Variants in SERGEF observed in about 807,000 individuals in gnomAD.
SERGEF encodes the protein secretion regulating guanine nucleotide exchange factor.
In SERGEF, 51 loss-of-function variants were observed where a neutral mutation model predicts 50.0. The observed-to-expected ratio is 1.02, with a 90% CI of 0.81 to 1.29. The LOEUF is 1.29. SERGEF is among the 50% of genes most tolerant of loss of function. The pLI, the probability that SERGEF is intolerant of heterozygous loss-of-function variation, is 0.00. For synonymous variants in SERGEF, 205 were observed against 212.4 expected (o/e 0.97, Z 0.30); for missense variants, 521 against 557.0 (o/e 0.94, Z 0.65).
intron 10 of SERGEF, among the ~76,000 whole-genome samples, chr11:17,865,622 A>AAAT (rs754058539): frequency 3.3e-5 from 5 of 152,148 alleles, no homozygotes; most frequent in East Asian, 1.9e-4. Context: ...TTAAAAAGCA[A>AAAT]AATAATAATA....
rs2237931 is a variant in SERGEF, at chr11:17,864,685, C to T, written c.1048+13523G>A. ...AAGATCTGGGACAGAGCACTGGTAACCAAGAGAGCTAAAAAACTGTTGCTC... is the reference window on the plus strand; with the variant it reads ...AAGATCTGGGACAGAGCACTGGTAATCAAGAGAGCTAAAAAACTGTTGCTC... On this transcript the variant is annotated intron_variant, in intron 10 of 10. Coordinates refer to ENST00000265965, the MANE Select transcript of SERGEF (RefSeq NM_012139.4). 0.018 allele frequency among the ~76,000 whole-genome samples: 2,719 copies of T among 152,220 alleles called. 188 individuals are homozygous for T. In the East Asian group the frequency reaches 0.23, roughly 13 times the overall value.
chr11:17,826,411 G>T (rs973089397), intron 10 of SERGEF, among the ~76,000 whole-genome samples: 1 of 152,198 alleles, frequency 6.6e-6, no homozygotes, highest in Non-Finnish European at 1.5e-5. Context: ...TCCCCAGTGG[G>T]AGTTTGAAGA....
At chr11:17,962,740 GA>G (rs1853034646) in intron 8 of SERGEF, among the ~76,000 whole-genome samples, 1 of 152,184 alleles carries the variant, frequency 6.6e-6, no homozygotes, top group African/African-American at 2.4e-5. Context: ...TATGGAGAAA[GA>G]ACACCTAAGG....
chr11:18,008,617 A>G (rs573136296), intron 1 of SERGEF, among the ~76,000 whole-genome samples: 22 of 152,290 alleles, frequency 1.4e-4, no homozygotes, highest in East Asian at 9.6e-4. Flanking sequence ...TAGAATGGCC[A>G]GGAAAAGAGA....
rs144327808 is a variant in SERGEF at position 17,967,126 on chromosome 11, T to C, written c.845-7490A>G. On this transcript the variant is annotated intron_variant, in intron 8 of 10. Transcript: ENST00000265965. Reference sequence around the variant, plus strand: ...CCACAGAAATACCCTGAGTAGGCATTATAATCCTCAAATTATAGATGAAAA... The same window carrying C: ...CCACAGAAATACCCTGAGTAGGCATCATAATCCTCAAATTATAGATGAAAA... Among the ~76,000 whole-genome samples the C allele has an allele frequency of 3.9e-5, 6 of 152,342 alleles. No homozygotes were observed. The East Asian group carries it at 9.6e-4, about 24-fold the overall frequency.
At chr11:17,803,757 C>T (rs528585847) in intron 10 of SERGEF, among the ~76,000 whole-genome samples, 12 of 152,250 alleles carry the variant, frequency 7.9e-5, no homozygotes, top group South Asian at 4.1e-4. Context: ...CTGGGAAAAC[C>T]GTCCAATACA....
chr11:17,885,360 T>C (rs2283242), intron 9 of SERGEF, among the ~76,000 whole-genome samples: 3,161 of 152,290 alleles, frequency 0.021, 166 homozygotes, highest in East Asian at 0.2. Flanking sequence ...CTTGCTCTAT[T>C]GCCCAGGCTG....
At chr11:17,995,988 AT>A in intron 5 of SERGEF, 79 bp from the exon 6 acceptor site, 1 of 955,746 alleles carries the variant, frequency 1.0e-6, no homozygotes. Context: ...CCTCACTGCT[AT>A]GAGAAATTCC....
chr11:17,804,457 G>A (rs1244700880), intron 10 of SERGEF, among the ~76,000 whole-genome samples: 1 of 152,182 alleles, frequency 6.6e-6, no homozygotes, highest in African/African-American at 2.4e-5. Flanking sequence ...ATTTCTAGAG[G>A]CTTCCCTAGA....
At chr11:18,012,466 T>C (rs749010875) in intron 1 of SERGEF, 37 of 1,073,130 alleles carry the variant, frequency 3.4e-5, no homozygotes, top group Admixed American at 5.4e-5. Context: ...AGGCAGGGTC[T>C]GTGCCTTGTG....
intron 9 of SERGEF, among the ~76,000 whole-genome samples, chr11:17,902,841 G>C (rs1011594407): frequency 1.3e-5 from 2 of 152,098 alleles, no homozygotes; most frequent in African/African-American, 4.8e-5. Context: ...AAGGGACAAG[G>C]GATATCTGCC....
In SERGEF at chr11:17,940,558, A is replaced by C. The variant is rs140704908; in HGVS notation, c.1011+18912T>G. ...CATGCTCTGCCCAAACCCACACACA[A>C]CCATTTCTTTGAAAAATGGTGATCA... On this transcript the variant is annotated intron_variant, in intron 9 of 10. Transcript: ENST00000265965. Among the ~76,000 whole-genome samples the C allele has an allele frequency of 6.5e-3, 987 of 152,098 alleles. 7 individuals are homozygous for C. Among genetic ancestry groups the C allele is most frequent in the Admixed American group, 0.012 (180 of 15,268 alleles).
chr11:17,868,882 G>T (rs1333621751), intron 10 of SERGEF, among the ~76,000 whole-genome samples: 1 of 152,134 alleles, frequency 6.6e-6, no homozygotes, highest in African/African-American at 2.4e-5. Flanking sequence ...AACAGCATGA[G>T]AAAGACCTGC....
chr11:17,813,821 G>A (rs1300475918), intron 10 of SERGEF, among the ~76,000 whole-genome samples: 6 of 152,220 alleles, frequency 3.9e-5, no homozygotes, highest in South Asian at 2.1e-4. Flanking sequence ...AGGAAAACTC[G>A]TTATCTGTAT....
chr11:17,913,636 T>C (rs936754868), intron 9 of SERGEF, among the ~76,000 whole-genome samples: 1 of 152,204 alleles, frequency 6.6e-6, no homozygotes, highest in Non-Finnish European at 1.5e-5. Context: ...GAGGCTTAGC[T>C]GCACTATCTA....
intron 9 of SERGEF, among the ~76,000 whole-genome samples, chr11:17,915,497 G>C (rs1332636948): frequency 6.6e-6 from 1 of 152,196 alleles, no homozygotes; most frequent in Non-Finnish European, 1.5e-5. Flanking sequence ...TCTTGGTCCA[G>C]TGCTCATTCC....
rs186278924 is a variant in SERGEF at position 17,975,814 on chromosome 11, A to G, written c.844+12783T>C. Among the ~76,000 whole-genome samples, 113 of 152,316 alleles carry G rather than the reference A, an allele frequency of 7.4e-4. 1 individual carries two copies. Among genetic ancestry groups the G allele is most frequent in the Admixed American group, 6.5e-3 (100 of 15,294 alleles). Reference sequence around the variant, plus strand: ...AGGACCCCTTCTCATTGTACCCAAAAGTTCCCAATGTCTTATCATCTGGCC... The same window carrying G: ...AGGACCCCTTCTCATTGTACCCAAAGGTTCCCAATGTCTTATCATCTGGCC... On this transcript the variant is annotated intron_variant, in intron 8 of 10. Coordinates refer to ENST00000265965, the MANE Select transcript of SERGEF (RefSeq NM_012139.4).
intron 10 of SERGEF, among the ~76,000 whole-genome samples, chr11:17,801,126 C>A (rs532133743): frequency 6.8e-6 from 1 of 147,680 alleles, no homozygotes; most frequent in Admixed American, 7.0e-5. Context: ...ACCTGGGAGG[C>A]GGAGCTTGCA....
At chr11:17,821,643 T>C (rs1023801007) in intron 10 of SERGEF, among the ~76,000 whole-genome samples, 1 of 152,222 alleles carries the variant, frequency 6.6e-6, no homozygotes, top group Non-Finnish European at 1.5e-5. Context: ...TATAAAATTA[T>C]CCTTCAAAAC....
Sources: allele counts gnomAD v4.1 joint callset (sites outside exome capture counted in the v4.1 genomes callset), GRCh38; gene constraint gnomAD v4.1.1; transcripts MANE v1.5; gene names NCBI Gene and HGNC (gene_info 2026-07-23, HGNC 2026-07-21).